Variants in DPYS observed in about 807,000 individuals in gnomAD.
The protein encoded by DPYS is dihydropyrimidine amidohydrolase.
DPYS carries 39 observed loss-of-function variants against 50.3 expected under a neutral mutation model. That is an observed-to-expected ratio of 0.78 (90% CI 0.60 to 1.01). The LOEUF (loss-of-function observed/expected upper bound fraction) is 1.01. Ranked by LOEUF, DPYS falls within the 50% of genes least tolerant of loss-of-function variation. DPYS has a pLI of 0.00. For synonymous variants in DPYS, 245 were observed against 250.7 expected, an observed-to-expected ratio of 0.98 and a Z score of 0.22; for missense variants, 659 against 680.9, an observed-to-expected ratio of 0.97 and a Z score of 0.36.
Position 104,433,572 on chromosome 8 carries a change from T to A in DPYS, c.794-3871A>T, listed in dbSNP as rs117549020. On this transcript the variant is annotated intron_variant, in intron 4 of 9. Coordinates refer to ENST00000351513, the MANE Select transcript of DPYS (RefSeq NM_001385.3). ...TCACTTGAACCCAAAAGGTAGAGGG[T>A]GCAGTGAGCCAAGGTCATGCCACTG... is the stretch of plus-strand genomic sequence containing the variant. Among the ~76,000 whole-genome samples, 9 of 151,976 alleles carry A rather than the reference T, an allele frequency of 5.9e-5. No homozygotes were observed. In the East Asian group the frequency reaches 1.7e-3, roughly 29 times the overall value.
intron 1 of DPYS, among the ~76,000 whole-genome samples, chr8:104,459,242 G>T (rs1224593224): frequency 6.6e-6 from 1 of 152,218 alleles, no homozygotes; most frequent in Non-Finnish European, 1.5e-5. Context: ...CACTGTGATT[G>T]ATGACTCAGC....
At chr8:104,432,474 G>A (rs1243728372) in intron 4 of DPYS, among the ~76,000 whole-genome samples, 2 of 152,170 alleles carry the variant, frequency 1.3e-5, no homozygotes, top group African/African-American at 2.4e-5. Context: ...AAAAGCATAG[G>A]CATCCAGGAC....
chr8:104,465,128 G>T (rs1347378405), intron 1 of DPYS, among the ~76,000 whole-genome samples: 1 of 152,092 alleles, frequency 6.6e-6, no homozygotes, highest in Non-Finnish European at 1.5e-5. Context: ...CAATTATAGA[G>T]GATTGGGGAA....
At position 104,379,715 on chromosome 8, in the gene DPYS, T is replaced by C. The variant is rs983197607; in HGVS notation, c.*143A>G. ...GACAGCAATTGCTTCTGAAAGAAAA[T>C]CAAAGAAGCCTATAGTGGTGAATTT... On this transcript the variant is annotated 3_prime_UTR_variant, in exon 10 of 10. Transcript: ENST00000351513. The C allele has an allele frequency of 2.3e-6, 1 of 430,160 alleles. No individual in the cohort carries two copies. The highest frequency in any genetic ancestry group is 2.1e-5 in the African/African-American group (1 of 48,672). 26.6% of individuals were successfully genotyped at this position (430,160 alleles called of 1,614,324 possible).
At chr8:104,446,404 T>G (rs558907222) in intron 3 of DPYS, among the ~76,000 whole-genome samples, 1 of 152,350 alleles carries the variant, frequency 6.6e-6, no homozygotes, top group Admixed American at 6.5e-5. Flanking sequence ...CTCACTGTCA[T>G]ACTATGTAAT....
chr8:104,431,565 G>A (rs1053976244), intron 4 of DPYS, among the ~76,000 whole-genome samples: 2 of 151,954 alleles, frequency 1.3e-5, no homozygotes, highest in South Asian at 2.1e-4. Flanking sequence ...AAAAGGGGAA[G>A]GAAAACAGGA....
chr8:104,418,314 T>C (rs1812433227), intron 7 of DPYS, among the ~76,000 whole-genome samples: 1 of 152,120 alleles, frequency 6.6e-6, no homozygotes, highest in African/African-American at 2.4e-5. Flanking sequence ...GGAAATTTTG[T>C]AGGAAAATTT....
At chr8:104,465,041 A>G (rs1431061058) in intron 1 of DPYS, among the ~76,000 whole-genome samples, 1 of 152,228 alleles carries the variant, frequency 6.6e-6, no homozygotes, top group Non-Finnish European at 1.5e-5. Context: ...CCAAATGGTG[A>G]TTTGAGCAGC....
chr8:104,430,268 A>G (rs1414492368), intron 4 of DPYS, among the ~76,000 whole-genome samples: 3 of 152,202 alleles, frequency 2.0e-5, no homozygotes, highest in Non-Finnish European at 4.4e-5. Context: ...TGAAAAAAAG[A>G]ACTCCTCAAA....
chr8:104,421,814 T>G (rs1812558256), intron 7 of DPYS, among the ~76,000 whole-genome samples: 1 of 152,206 alleles, frequency 6.6e-6, no homozygotes, highest in African/African-American at 2.4e-5. Context: ...CACATCTGGA[T>G]CTTTATGTGC....
chr8:104,463,838 G>A (rs1468616836), intron 1 of DPYS, among the ~76,000 whole-genome samples: 1 of 152,150 alleles, frequency 6.6e-6, no homozygotes, highest in Admixed American at 6.5e-5. Context: ...GCAAAGGCCA[G>A]GAAAGAAGAC....
intron 7 of DPYS, among the ~76,000 whole-genome samples, chr8:104,422,225 C>G (rs941400071): frequency 3.3e-5 from 5 of 152,150 alleles, no homozygotes; most frequent in African/African-American, 1.2e-4. Flanking sequence ...AAGAGTCTCA[C>G]CACACAATAA....
At position 104,399,218 on chromosome 8, in the gene DPYS, G is replaced by A. The variant is rs1040184360; in HGVS notation, c.1236-6227C>T. Among the ~76,000 whole-genome samples, 5 of 150,992 alleles carry A rather than the reference G, an allele frequency of 3.3e-5. No individual in the cohort carries two copies. In the South Asian group the frequency reaches 1.1e-3, roughly 32 times the overall value. ...AAGCAGGAGAATCAGTTGAACCTGG[G>A]GGGTGGAGGTTGCAGTGAGCCAAGA... On this transcript the variant is annotated intron_variant, in intron 7 of 9. Transcript: ENST00000351513.
At chr8:104,402,927 G>T (rs1811868610) in intron 7 of DPYS, among the ~76,000 whole-genome samples, 1 of 152,140 alleles carries the variant, frequency 6.6e-6, no homozygotes, top group Non-Finnish European at 1.5e-5. Context: ...TAGGCATAAA[G>T]GAGGTAAAGA....
At chr8:104,390,226 C>A (rs558416097) in intron 8 of DPYS, among the ~76,000 whole-genome samples, 1 of 152,186 alleles carries the variant, frequency 6.6e-6, no homozygotes, top group Non-Finnish European at 1.5e-5. Flanking sequence ...ATGTTCATCT[C>A]CTAGATTACT....
At chr8:104,422,470 G>C (rs547037659) in intron 7 of DPYS, among the ~76,000 whole-genome samples, 2 of 152,250 alleles carry the variant, frequency 1.3e-5, no homozygotes, top group Non-Finnish European at 2.9e-5. Context: ...TAGCAAACCT[G>C]TCACTTACAC....
chr8:104,449,836 C>T lies in DPYS; in HGVS notation c.423+1410G>A, dbSNP rs190219580. ...TCAGAGCCCTCAGAAGGAACCAACC[C>T]TGCTGACACCTAAATCTCAGACTTC... On this transcript the variant is annotated intron_variant, in intron 2 of 9. Coordinates refer to ENST00000351513, the MANE Select transcript of DPYS (RefSeq NM_001385.3). Among the ~76,000 whole-genome samples, 28 of 152,292 alleles carry T rather than the reference C, an allele frequency of 1.8e-4. 1 individual carries two copies. The highest frequency in any genetic ancestry group is 1.8e-3 in the Admixed American group (27 of 15,294).
intron 7 of DPYS, among the ~76,000 whole-genome samples, chr8:104,410,170 T>G (rs1384662621): frequency 6.6e-6 from 1 of 152,178 alleles, no homozygotes; most frequent in Non-Finnish European, 1.5e-5. Context: ...CCATTTCCAA[T>G]TTTTCACCAA....
chr8:104,413,304 G>T (rs530675989), intron 7 of DPYS, among the ~76,000 whole-genome samples: 144 of 151,438 alleles, frequency 9.5e-4, no homozygotes, highest in African/African-American at 3.3e-3. Context: ...ATGAAGCTAA[G>T]AATACACAAA....
Sources: allele counts gnomAD v4.1 joint callset (sites outside exome capture counted in the v4.1 genomes callset), GRCh38; gene constraint gnomAD v4.1.1; transcripts MANE v1.5; gene names NCBI Gene and HGNC (gene_info 2026-07-23, HGNC 2026-07-21).